USH2A: variants seen among roughly 807,000 people sequenced by gnomAD.
The protein encoded by USH2A is usherin.
A neutral mutation model predicts 538.9 loss-of-function variants in USH2A; 443 were observed. That is an observed-to-expected ratio of 0.82 (90% confidence interval 0.76 to 0.89). The LOEUF is 0.89. Among genes scored for constraint, USH2A ranks in the 40% least tolerant of loss-of-function variants. The probability of loss-of-function intolerance (pLI) is 0.00; values close to 1 mark genes in which losing one functional copy is unlikely to be tolerated. For synonymous variants in USH2A, 2,413 were observed against 2,273.5 expected, an observed-to-expected ratio of 1.06 and a Z score of -1.75; for missense variants, 6,633 against 6,324.8, an observed-to-expected ratio of 1.05 and a Z score of -1.65.
intron 35 of USH2A, among the ~76,000 whole-genome samples, chr1:215,984,754 CAT>C (rs1433806349): frequency 6.6e-6 from 1 of 152,150 alleles, no homozygotes; most frequent in African/African-American, 2.4e-5. Flanking sequence ...ATAAAAATAA[CAT>C]GTGTAGTGAA....
intron 21 of USH2A, among the ~76,000 whole-genome samples, chr1:216,109,876 T>C (rs1336663972): frequency 6.6e-6 from 1 of 152,246 alleles, no homozygotes; most frequent in African/African-American, 2.4e-5. Context: ...TTTCATGTTT[T>C]GTAAAAATTG....
chr1:215,690,816 ACAC>A (rs1270394929), intron 61 of USH2A, among the ~76,000 whole-genome samples: 2 of 152,072 alleles, frequency 1.3e-5, no homozygotes, highest in African/African-American at 2.4e-5. Context: ...CTACCAGTTC[ACAC>A]CACATCTACT....
intron 11 of USH2A, among the ~76,000 whole-genome samples, chr1:216,270,228 A>C (rs1391773679): frequency 6.6e-6 from 1 of 152,142 alleles, no homozygotes. Context: ...CAAGAAACTC[A>C]CTAAAAGCCA....
chr1:216,326,847 T>C (rs1320231098), intron 5 of USH2A, among the ~76,000 whole-genome samples: 1 of 152,168 alleles, frequency 6.6e-6, no homozygotes, highest in Non-Finnish European at 1.5e-5. Flanking sequence ...ACATTCTTCT[T>C]TTTGATTTTT....
intron 61 of USH2A, among the ~76,000 whole-genome samples, chr1:215,696,130 C>G (rs1168300351): frequency 1.3e-5 from 2 of 152,064 alleles, no homozygotes; most frequent in African/African-American, 4.8e-5. Flanking sequence ...CATAAGCTGT[C>G]AACAAACACA....
rs551976376 is a variant in USH2A, at chr1:216,236,320, A to G, written c.2810-4184T>C. ...AGTTCCTAAGACCCCTCATCCTTCAAGAATTAATCATTTCCTTCACTTTAC... is the reference window on the plus strand; with the variant it reads ...AGTTCCTAAGACCCCTCATCCTTCAGGAATTAATCATTTCCTTCACTTTAC... On this transcript the variant is annotated intron_variant, in intron 13 of 71. Transcript: ENST00000307340. Among the ~76,000 whole-genome samples the G allele has an allele frequency of 5.3e-5, 8 of 152,204 alleles. 2 individuals are homozygous for G. In the South Asian group the frequency reaches 1.7e-3, roughly 32 times the overall value.
chr1:216,212,909 TC>T (rs1384442296), intron 15 of USH2A, among the ~76,000 whole-genome samples: 1 of 152,100 alleles, frequency 6.6e-6, no homozygotes, highest in Non-Finnish European at 1.5e-5. Context: ...GAAAATTACT[TC>T]TATCTTAGCA....
chr1:215,830,453 ATT>A (rs140564000), intron 47 of USH2A, among the ~76,000 whole-genome samples: 1 of 151,334 alleles, frequency 6.6e-6, no homozygotes, highest in Non-Finnish European at 1.5e-5. Flanking sequence ...AGTCCTTGTT[ATT>A]TTTTTTTCTC....
chr1:215,669,186 G>A (rs958647967), intron 64 of USH2A, among the ~76,000 whole-genome samples: 19 of 152,100 alleles, frequency 1.2e-4, no homozygotes, highest in Non-Finnish European at 2.9e-5. Context: ...TTTAATTAGC[G>A]GCTGAAGATT....
At chr1:216,110,132 G>A (rs994567765) in intron 21 of USH2A, among the ~76,000 whole-genome samples, 6 of 151,908 alleles carry the variant, frequency 3.9e-5, no homozygotes, top group East Asian at 3.9e-4. Context: ...ATTAATCCAC[G>A]GGTTTAGAAA....
Position 215,754,529 on chromosome 1 carries a change from TA to T in USH2A, c.11389+4065del, listed in dbSNP as rs1660726318. Among the ~76,000 whole-genome samples, 7 of 152,206 alleles carry T rather than the reference TA, an allele frequency of 4.6e-5. No homozygotes were observed. In the South Asian group the frequency reaches 1.5e-3, roughly 32 times the overall value. ...GACCACAAAAAAAAAAATGCATATT[TA>T]AAAAAACAAATACAATTTAGCCAGT... On this transcript the variant is annotated intron_variant, in intron 58 of 71. Coordinates refer to ENST00000307340, the MANE Select transcript of USH2A (RefSeq NM_206933.4).
At chr1:216,303,095 C>T (rs2037244321) in intron 9 of USH2A, among the ~76,000 whole-genome samples, 3 of 151,850 alleles carry the variant, frequency 2.0e-5, no homozygotes, top group Admixed American at 2.0e-4. Context: ...ATTCCTTCTT[C>T]CTCTTATTTA....
chr1:215,676,768 C>T (rs1658044170), intron 62 of USH2A, among the ~76,000 whole-genome samples: 1 of 145,110 alleles, frequency 6.9e-6, no homozygotes, highest in Non-Finnish European at 1.5e-5. Context: ...AACTAGCTTG[C>T]AGCCTCTGTG....
At chr1:216,215,718 G>A (rs2035330359) in intron 15 of USH2A, among the ~76,000 whole-genome samples, 1 of 152,064 alleles carries the variant, frequency 6.6e-6, no homozygotes, top group Non-Finnish European at 1.5e-5. Flanking sequence ...ACTGTGCTCA[G>A]TATGATATAT....
intron 14 of USH2A, 118 bp from the exon 15 acceptor site, chr1:216,217,668 T>C: frequency 8.6e-7 from 1 of 1,168,844 alleles, no homozygotes; most frequent in South Asian, 1.4e-5. Context: ...GCCAATATAT[T>C]GAAAAGAATG....
intron 21 of USH2A, among the ~76,000 whole-genome samples, chr1:216,120,063 C>A (rs1389659018): frequency 6.6e-6 from 1 of 151,800 alleles, no homozygotes; most frequent in African/African-American, 2.4e-5. Context: ...TACAAAAAAG[C>A]AGATACATAT....
At chr1:216,010,349 C>A (rs1426113164) in intron 32 of USH2A, among the ~76,000 whole-genome samples, 1 of 152,130 alleles carries the variant, frequency 6.6e-6, no homozygotes, top group Non-Finnish European at 1.5e-5. Context: ...AGCCACGTCC[C>A]ATCTGTGCCG....
At chr1:216,183,237 T>C (rs1446718221) in intron 20 of USH2A, among the ~76,000 whole-genome samples, 1 of 152,022 alleles carries the variant, frequency 6.6e-6, no homozygotes, top group Non-Finnish European at 1.5e-5. Context: ...AATCATCAGC[T>C]GCGCTTTTCT....
chr1:216,245,777 G>T (rs537479193), intron 13 of USH2A, among the ~76,000 whole-genome samples: 32 of 152,258 alleles, frequency 2.1e-4, no homozygotes, highest in Admixed American at 1.6e-3. Context: ...TCTTTGCTAT[G>T]TTAACAGAAC....
Sources: allele counts gnomAD v4.1 joint callset (sites outside exome capture counted in the v4.1 genomes callset), GRCh38; gene constraint gnomAD v4.1.1; transcripts MANE v1.5; gene names NCBI Gene and HGNC (gene_info 2026-07-23, HGNC 2026-07-21).